The following ANK2 variants were observed in gnomAD, a reference collection of about 807,000 sequenced individuals.
ANK2 encodes ankyrin-2.
In ANK2, 83 loss-of-function variants were observed where a neutral mutation model predicts 360.5. The ratio of observed to expected loss-of-function variants is 0.23; its 90% CI spans 0.19 to 0.28. The LOEUF (loss-of-function observed/expected upper bound fraction) is 0.28. Ranked by LOEUF, ANK2 falls within the 10% of genes least tolerant of loss-of-function variation. ANK2 has a pLI of 1.00. For synonymous variants in ANK2, 1,740 were observed against 1,759.5 expected (o/e 0.99, Z 0.28); for missense variants, 4,201 against 4,795.7 (o/e 0.88, Z 3.66).
At chr4:112,867,800 A>T (rs2071266017) in intron 1 of ANK2, among the ~76,000 whole-genome samples, 1 of 151,796 alleles carries the variant, frequency 6.6e-6, no homozygotes, top group African/African-American at 2.4e-5. Flanking sequence ...TTCATTTATT[A>T]GTTGACAGAT....
At position 113,274,367 on chromosome 4, in the gene ANK2, G is replaced by A. The variant is rs1465432043; in HGVS notation, c.1486-85G>A. On this transcript the variant is annotated intron_variant, in intron 14 of 45. Coordinates refer to ENST00000357077, the MANE Select transcript of ANK2 (RefSeq NM_001148.6). ...GTGGGGTTCCTAGAGATTCCAAGAA[G>A]ACATCATGAAATATGTGAGTGAAAC... 6 of 1,423,016 alleles carry A rather than the reference G, an allele frequency of 4.2e-6. No individual in the cohort carries two copies. The Admixed American group carries it at 5.1e-5, about 12-fold the overall frequency. 88.1% of individuals were successfully genotyped at this position (1,423,016 alleles called of 1,614,324 possible).
At chr4:112,732,266 A>C in the ANK2 span, among the ~76,000 whole-genome samples, 1 of 140,722 alleles carries the variant, frequency 7.1e-6, no homozygotes, top group Admixed American at 7.0e-5. Context: ...TTTTTTTTTC[A>C]AGAAACAGGG....
chr4:113,253,143 A>G (rs1036666280), intron 10 of ANK2, among the ~76,000 whole-genome samples: 2 of 152,090 alleles, frequency 1.3e-5, no homozygotes, highest in Non-Finnish European at 1.5e-5. Flanking sequence ...TCCCGTTACT[A>G]TCATCTGGTG....
At chr4:113,106,910 C>T (rs2093695238) in intron 1 of ANK2, 3 of 533,418 alleles carry the variant, frequency 5.6e-6, no homozygotes, top group Non-Finnish European at 1.2e-5. Flanking sequence ...CATCTCCTGC[C>T]TATTTATTAC....
At chr4:113,346,680 G>C (rs1449397164) in intron 35 of ANK2, among the ~76,000 whole-genome samples, 1 of 152,102 alleles carries the variant, frequency 6.6e-6, no homozygotes, top group Non-Finnish European at 1.5e-5. Flanking sequence ...TGTGTAAATT[G>C]TTGGTTAAAA....
intron 1 of ANK2, among the ~76,000 whole-genome samples, chr4:113,142,483 G>GC (rs1209106464): frequency 6.6e-5 from 10 of 152,218 alleles, no homozygotes; most frequent in African/African-American, 2.4e-4. Context: ...CCAGGTTCCA[G>GC]GTTGGTAATT....
At chr4:113,192,348 T>A (rs2098679627) in intron 2 of ANK2, among the ~76,000 whole-genome samples, 1 of 146,864 alleles carries the variant, frequency 6.8e-6, no homozygotes, top group African/African-American at 2.5e-5. Context: ...TGCCTGCATG[T>A]GCACACACAC....
chr4:113,041,080 C>T (rs1181782834), intron 2 of ANK2, among the ~76,000 whole-genome samples: 3 of 152,080 alleles, frequency 2.0e-5, no homozygotes, highest in Admixed American at 6.6e-5. Flanking sequence ...TACAGGACTG[C>T]TGTTATAGAC....
chr4:112,832,439 A>G (rs1026830582), intron 1 of ANK2, among the ~76,000 whole-genome samples: 2 of 152,238 alleles, frequency 1.3e-5, no homozygotes, highest in African/African-American at 4.8e-5. Flanking sequence ...TAGATTTTGC[A>G]TCATTTTACA....
At chr4:113,301,438 A>G (rs570265459) in intron 22 of ANK2, among the ~76,000 whole-genome samples, 1 of 152,102 alleles carries the variant, frequency 6.6e-6, no homozygotes, top group East Asian at 1.9e-4. Flanking sequence ...AATCAAGCTT[A>G]TTAACATATC....
intron 2 of ANK2, chr4:113,033,909 A>G (rs1366166212): frequency 6.6e-6 from 1 of 151,970 alleles, no homozygotes; most frequent in Non-Finnish European, 1.5e-5. Context: ...AACTATCTTG[A>G]ACAATGTGTC....
intron 42 of ANK2, among the ~76,000 whole-genome samples, chr4:113,368,448 G>T (rs193300474): frequency 6.7e-4 from 102 of 152,334 alleles, no homozygotes; most frequent in Non-Finnish European, 1.2e-3. Flanking sequence ...TTGGAATAGA[G>T]TTGGGGTGGG....
chr4:113,135,416 T>C (rs185274282), intron 1 of ANK2, among the ~76,000 whole-genome samples: 2 of 151,580 alleles, frequency 1.3e-5, no homozygotes, highest in African/African-American at 2.4e-5. Context: ...AATGAAAGAA[T>C]GCAGAGAAGC....
intron 2 of ANK2, among the ~76,000 whole-genome samples, chr4:113,044,596 A>C (rs1385859237): frequency 1.3e-5 from 2 of 152,182 alleles, no homozygotes; most frequent in African/African-American, 4.8e-5. Flanking sequence ...CGGAGTCTTC[A>C]GGGCTATGTT....
chr4:112,912,757 T>C (rs1452155491), intron 2 of ANK2, among the ~76,000 whole-genome samples: 1 of 152,084 alleles, frequency 6.6e-6, no homozygotes, highest in Non-Finnish European at 1.5e-5. Flanking sequence ...TTTTAGGTTC[T>C]AGTCCCAGTT....
the ANK2 span, among the ~76,000 whole-genome samples, chr4:112,733,756 A>G: frequency 2.0e-5 from 3 of 152,150 alleles, no homozygotes; most frequent in African/African-American, 7.2e-5. Flanking sequence ...GGAAAAACTG[A>G]AGACAGAGAC....
the ANK2 span, among the ~76,000 whole-genome samples, chr4:112,741,296 GCTGA>G: frequency 6.6e-6 from 1 of 152,124 alleles, no homozygotes; most frequent in African/African-American, 2.4e-5. Flanking sequence ...GATTCACTGA[GCTGA>G]CTATTTCCAC....
intron 15 of ANK2, among the ~76,000 whole-genome samples, chr4:113,275,882 A>G (rs754469571): frequency 5.3e-5 from 8 of 152,008 alleles, no homozygotes; most frequent in East Asian, 3.8e-4. Context: ...TTTAAAAAAT[A>G]TAACTATATC....
At chr4:112,904,445 A>C in intron 1 of ANK2, 1 of 1,366,158 alleles carries the variant, frequency 7.3e-7, no homozygotes, top group African/African-American at 1.5e-5. Context: ...TCTCTTTTTT[A>C]TCCTTTTAGG....
Sources: gnomAD v4.1 joint callset for allele counts (sites outside exome capture counted in the v4.1 genomes callset) on GRCh38, gnomAD v4.1.1 for gene constraint, MANE v1.5 for transcripts, NCBI Gene and HGNC (gene_info 2026-07-23, HGNC 2026-07-21) for gene names.